Variants in PLSCR4 observed in about 807,000 individuals in gnomAD.
The protein encoded by PLSCR4 is Ca(2+)-dependent phospholipid scramblase 4.
A neutral mutation model predicts 36.3 loss-of-function variants in PLSCR4; 25 were observed. The ratio of observed to expected loss-of-function variants is 0.69; its 90% CI spans 0.50 to 0.96. The LOEUF (loss-of-function observed/expected upper bound fraction) is 0.96. Ranked by LOEUF, PLSCR4 falls within the 40% of genes least tolerant of loss-of-function variation. The probability of loss-of-function intolerance (pLI) is 0.00; values close to 1 mark genes in which losing one functional copy is unlikely to be tolerated. For missense variants in PLSCR4, 408 were observed against 414.7 expected (o/e 0.98, Z 0.14); for synonymous variants, 122 against 132.9 (o/e 0.92, Z 0.56).
At chr3:146,199,692 A>G in intron 6 of PLSCR4, 121 bp downstream of exon 6, 1 of 811,044 alleles carries the variant, frequency 1.2e-6, no homozygotes, top group South Asian at 1.7e-5. Flanking sequence ...CCTCCCCACT[A>G]TCTTCTTCCA....
chr3:146,232,761 A>G (rs978487547), intron 1 of PLSCR4, among the ~76,000 whole-genome samples: 4 of 152,186 alleles, frequency 2.6e-5, no homozygotes, highest in Admixed American at 2.6e-4. Flanking sequence ...GGCAGTTTCT[A>G]GGTACAGAAT....
rs531815460 is a variant in PLSCR4, at chr3:146,220,560, A to T, written c.118+255T>A. Among the ~76,000 whole-genome samples, 97 of 151,988 alleles carry T rather than the reference A, an allele frequency of 6.4e-4. 1 individual carries two copies. The highest frequency in any genetic ancestry group is 2.3e-3 in the African/African-American group (94 of 41,450). ...ATACTGTCTTCTGTGTCCTTACAAC[A>T]CTCTCTTCATATCTCCATATAGAAT... is the stretch of plus-strand genomic sequence containing the variant. On this transcript the variant is annotated intron_variant, in intron 3 of 8. Coordinates refer to ENST00000354952, the MANE Select transcript of PLSCR4 (RefSeq NM_020353.3).
At chr3:146,210,631 G>A (rs2034566332) in intron 3 of PLSCR4, among the ~76,000 whole-genome samples, 1 of 70,088 alleles carries the variant, frequency 1.4e-5, no homozygotes, top group Non-Finnish European at 3.4e-5. Flanking sequence ...TTTTTAAAAT[G>A]TACAATGTAG....
At chr3:146,216,092 T>C (rs2034880563) in intron 3 of PLSCR4, among the ~76,000 whole-genome samples, 1 of 152,032 alleles carries the variant, frequency 6.6e-6, no homozygotes, top group South Asian at 2.1e-4. Flanking sequence ...TATCCGGGCG[T>C]GGTGGTGCAT....
rs183213269 is a variant in PLSCR4 at position 146,238,071 on chromosome 3, G to A, written c.-22+12889C>T. ...AGGGGAATACTACAAACTACCATATGCCAATTAGATACAGTAGATGAAATG... is the reference window on the plus strand; with the variant it reads ...AGGGGAATACTACAAACTACCATATACCAATTAGATACAGTAGATGAAATG... On this transcript the variant is annotated intron_variant, in intron 1 of 8. Transcript: ENST00000354952. Among the ~76,000 whole-genome samples, 6 of 151,858 alleles carry A rather than the reference G, an allele frequency of 4.0e-5. No homozygotes were observed. In the East Asian group the frequency reaches 1.2e-3, roughly 29 times the overall value.
At chr3:146,205,651 T>C (rs547516355) in intron 4 of PLSCR4, among the ~76,000 whole-genome samples, 2 of 152,172 alleles carry the variant, frequency 1.3e-5, no homozygotes, top group African/African-American at 4.8e-5. Flanking sequence ...AGGAATGATA[T>C]ATGTGCCAGG....
At chr3:146,200,584 G>A (rs908414875) in intron 5 of PLSCR4, among the ~76,000 whole-genome samples, 3 of 152,018 alleles carry the variant, frequency 2.0e-5, no homozygotes, top group Non-Finnish European at 4.4e-5. Flanking sequence ...CTTCCAAAGC[G>A]AGGGCACTGC....
intron 3 of PLSCR4, among the ~76,000 whole-genome samples, chr3:146,212,777 C>G (rs2034690447): frequency 6.6e-6 from 1 of 151,980 alleles, no homozygotes; most frequent in Admixed American, 6.6e-5. Context: ...AGAAAGATAC[C>G]CTGTCTCATT....
At chr3:146,228,297 T>A (rs2035562260) in intron 1 of PLSCR4, among the ~76,000 whole-genome samples, 1 of 152,332 alleles carries the variant, frequency 6.6e-6, no homozygotes, top group Non-Finnish European at 1.5e-5. Flanking sequence ...GCAGTATTTT[T>A]AAAAATCTGT....
At chr3:146,218,068 T>C (rs925378959) in intron 3 of PLSCR4, among the ~76,000 whole-genome samples, 12 of 152,096 alleles carry the variant, frequency 7.9e-5, no homozygotes, top group African/African-American at 2.9e-4. Flanking sequence ...TGACAGAAAC[T>C]GACAGTAAGC....
At chr3:146,244,555 A>G (rs1433126602) in intron 1 of PLSCR4, among the ~76,000 whole-genome samples, 2 of 152,096 alleles carry the variant, frequency 1.3e-5, no homozygotes, top group African/African-American at 4.8e-5. Flanking sequence ...ATCTATGATC[A>G]GTGATCTTTG....
chr3:146,250,453 A>T (rs1317011293), intron 1 of PLSCR4: 9 of 152,144 alleles, frequency 5.9e-5, no homozygotes, highest in Non-Finnish European at 1.3e-4. Flanking sequence ...ACAGCCCCAA[A>T]TCGCCCCAGT....
At chr3:146,224,989 T>G (rs989801389) in intron 1 of PLSCR4, among the ~76,000 whole-genome samples, 3 of 150,942 alleles carry the variant, frequency 2.0e-5, no homozygotes, top group Non-Finnish European at 4.4e-5. Context: ...CTCACAAACC[T>G]TGAGCTAAAC....
rs560588071 is a variant in PLSCR4, at chr3:146,235,588, A to G, written c.-21-13496T>C. Among the ~76,000 whole-genome samples the G allele has an allele frequency of 4.6e-5, 7 of 152,274 alleles. No individual in the cohort carries two copies. The South Asian group carries it at 1.5e-3, about 32-fold the overall frequency. ...CTAATACAGAAAATGGGTACCGAGG[A>G]GTGGGGCACTGCTATAAAGATACCT... is the stretch of plus-strand genomic sequence containing the variant. On this transcript the variant is annotated intron_variant, in intron 1 of 8. Coordinates refer to ENST00000354952, the MANE Select transcript of PLSCR4 (RefSeq NM_020353.3).
intron 1 of PLSCR4, among the ~76,000 whole-genome samples, chr3:146,224,670 TGGAAGGGGACCCGAGCG>T (rs2035358174): frequency 6.6e-6 from 1 of 151,944 alleles, no homozygotes. Context: ...TTCCACAGTG[TGGAAGGGGACCCGAGCG>T]GGTTGCCAAT....
intron 4 of PLSCR4, among the ~76,000 whole-genome samples, chr3:146,203,793 T>C (rs1355250645): frequency 6.6e-6 from 1 of 152,054 alleles, no homozygotes; most frequent in Non-Finnish European, 1.5e-5. Flanking sequence ...ATCTTCTTTC[T>C]AGACCACTAA....
At chr3:146,196,837 C>G (rs2033773434) in intron 6 of PLSCR4, 44 bp from the exon 7 acceptor site, 2 of 1,556,588 alleles carry the variant, frequency 1.3e-6, no homozygotes, top group African/African-American at 1.4e-5. Flanking sequence ...TACATGCATA[C>G]ACATACACTT....
At chr3:146,235,072 A>G (rs1015710942) in intron 1 of PLSCR4, among the ~76,000 whole-genome samples, 4 of 152,112 alleles carry the variant, frequency 2.6e-5, no homozygotes, top group African/African-American at 9.7e-5. Context: ...AATATGCAAA[A>G]TGACTACAAC....
chr3:146,214,775 A>G (rs1326786407), intron 3 of PLSCR4, among the ~76,000 whole-genome samples: 1 of 151,908 alleles, frequency 6.6e-6, no homozygotes, highest in East Asian at 1.9e-4. Context: ...TCTGTTGTAG[A>G]TTGTCTGTTG....
Sources: gnomAD v4.1 joint callset for allele counts (sites outside exome capture counted in the v4.1 genomes callset) on GRCh38, gnomAD v4.1.1 for gene constraint, MANE v1.5 for transcripts, NCBI Gene and HGNC (gene_info 2026-07-23, HGNC 2026-07-21) for gene names.